The following DLGAP2 variants were observed in gnomAD, a reference collection of about 807,000 sequenced individuals.
The protein encoded by DLGAP2 is DLG associated protein 2.
DLGAP2 carries 26 observed loss-of-function variants against 100.3 expected under a neutral mutation model. The observed-to-expected ratio is 0.26, with a 90% CI of 0.19 to 0.36. The LOEUF (loss-of-function observed/expected upper bound fraction) is 0.36. DLGAP2 is among the 10% of genes least tolerant of loss of function. The probability of loss-of-function intolerance (pLI) is 1.00; values close to 1 mark genes in which losing one functional copy is unlikely to be tolerated. For synonymous variants in DLGAP2, 886 were observed against 630.1 expected, an observed-to-expected ratio of 1.41 and a Z score of -6.08; for missense variants, 1,858 against 1,453.2, an observed-to-expected ratio of 1.28 and a Z score of -4.53.
At chr8:786,928 A>G (rs760266090) in intron 1 of DLGAP2, among the ~76,000 whole-genome samples, 1 of 151,990 alleles carries the variant, frequency 6.6e-6, no homozygotes, top group African/African-American at 2.4e-5. Context: ...GCCTCAAAAC[A>G]CTTCTGTCCT....
At chr8:1,210,137 G>C (rs1798072977) in intron 2 of DLGAP2, among the ~76,000 whole-genome samples, 1 of 152,156 alleles carries the variant, frequency 6.6e-6, no homozygotes, top group Non-Finnish European at 1.5e-5. Flanking sequence ...GTGGTGGCCA[G>C]ATTTACACGT....
chr8:928,636 G>A (rs1798872242), intron 2 of DLGAP2, among the ~76,000 whole-genome samples: 1 of 152,086 alleles, frequency 6.6e-6, no homozygotes, highest in Non-Finnish European at 1.5e-5. Context: ...TAAAGCACAG[G>A]GGAAGAACTT....
intron 8 of DLGAP2, among the ~76,000 whole-genome samples, chr8:1,665,783 C>G (rs867592380): frequency 2.0e-5 from 3 of 152,252 alleles, no homozygotes; most frequent in Non-Finnish European, 2.9e-5. Context: ...GAAGACGTGT[C>G]ATTGATGATA....
intron 2 of DLGAP2, among the ~76,000 whole-genome samples, chr8:1,164,630 G>T (rs1391927869): frequency 6.6e-6 from 1 of 151,988 alleles, no homozygotes. Flanking sequence ...GCCATGCTCA[G>T]AACCGCCAGG....
intron 3 of DLGAP2, among the ~76,000 whole-genome samples, chr8:1,338,476 G>A (rs896068065): frequency 3.3e-5 from 5 of 152,178 alleles, no homozygotes; most frequent in Non-Finnish European, 5.9e-5. Flanking sequence ...GCCTGGGTCT[G>A]GGGGCAGGAA....
At chr8:1,631,915 C>T (rs1196408442) in intron 7 of DLGAP2, among the ~76,000 whole-genome samples, 4 of 152,196 alleles carry the variant, frequency 2.6e-5, no homozygotes, top group African/African-American at 9.7e-5. Flanking sequence ...ACTCTGCTGA[C>T]AACTAAAGGA....
chr8:794,080 G>T (rs149546007), intron 1 of DLGAP2, among the ~76,000 whole-genome samples: 3 of 152,046 alleles, frequency 2.0e-5, no homozygotes, highest in Admixed American at 6.6e-5. Context: ...CGGCCTGTGC[G>T]TAGGGAGTGT....
intron 1 of DLGAP2, among the ~76,000 whole-genome samples, chr8:756,848 G>T (rs1820934229): frequency 6.6e-6 from 1 of 152,166 alleles, no homozygotes; most frequent in Admixed American, 6.5e-5. Flanking sequence ...CAGCTGCCGG[G>T]ATAATCTTTC....
chr8:751,102 C>T (rs570386688), intron 1 of DLGAP2, among the ~76,000 whole-genome samples: 124 of 116,642 alleles, frequency 1.1e-3, no homozygotes, highest in Admixed American at 2.2e-3. Flanking sequence ...CCTGGATCTC[C>T]GGCCACCCTC....
chr8:1,304,301 G>C (rs1023759315), intron 3 of DLGAP2, among the ~76,000 whole-genome samples: 1 of 152,210 alleles, frequency 6.6e-6, no homozygotes, highest in Admixed American at 6.5e-5. Context: ...CAGGGTGGCA[G>C]GTGCAGCTGG....
chr8:1,319,707 G>T (rs73670752), intron 3 of DLGAP2, among the ~76,000 whole-genome samples: 1,934 of 152,312 alleles, frequency 0.013, 48 homozygotes, highest in African/African-American at 0.044. Flanking sequence ...CGTTGGAAAA[G>T]ATGTCAGAAC....
rs1300228905 is a variant in DLGAP2 at position 1,702,549 on chromosome 8, T to C, written c.*1143T>C. 1 of 152,590 alleles carries C rather than the reference T, an allele frequency of 6.6e-6. No homozygotes were observed. Among genetic ancestry groups the C allele is most frequent in the Non-Finnish European group, 1.5e-5 (1 of 68,026 alleles). 9.5% of individuals were successfully genotyped at this position (152,590 alleles called of 1,614,324 possible). A position where few individuals can be genotyped will look rare whatever the true frequency, so the allele number is the denominator to read the frequency against. On this transcript the variant is annotated 3_prime_UTR_variant, in exon 15 of 15. Coordinates refer to ENST00000637795, the MANE Select transcript of DLGAP2 (RefSeq NM_001346810.2). ...TATGCAGTATTGCTAAAGTCGAGAA[T>C]ATATTCCTTGCCTGTGTTAGACATG...
At chr8:926,136 C>A (rs1468857611) in intron 2 of DLGAP2, among the ~76,000 whole-genome samples, 1 of 152,176 alleles carries the variant, frequency 6.6e-6, no homozygotes, top group Non-Finnish European at 1.5e-5. Context: ...TGGCCGGTTC[C>A]TGGGGACAGT....
rs557965673 is a variant in DLGAP2, at chr8:1,200,573, C to A, written c.74-58278C>A. On this transcript the variant is annotated intron_variant, in intron 2 of 14. Coordinates refer to ENST00000637795, the MANE Select transcript of DLGAP2 (RefSeq NM_001346810.2). ...TCCTCGGACCTCCGGAAAGAGCCTCCCGCCTGCACGTCCCACTGCCACGTC... is the reference window on the plus strand; with the variant it reads ...TCCTCGGACCTCCGGAAAGAGCCTCACGCCTGCACGTCCCACTGCCACGTC... Among the ~76,000 whole-genome samples the A allele has an allele frequency of 1.4e-3, 208 of 152,308 alleles. 2 individuals are homozygous for A. Among genetic ancestry groups the A allele is most frequent in the Middle Eastern group, 6.8e-3 (2 of 294 alleles).
intron 6 of DLGAP2, among the ~76,000 whole-genome samples, chr8:1,576,876 A>G (rs187501701): frequency 1.3e-5 from 2 of 152,316 alleles, no homozygotes; most frequent in East Asian, 3.9e-4. Flanking sequence ...TGCCATCCCC[A>G]TCAAGCTACC....
chr8:963,315 G>GT (rs1395826979), intron 2 of DLGAP2, among the ~76,000 whole-genome samples: 2 of 152,180 alleles, frequency 1.3e-5, no homozygotes, highest in Admixed American at 1.3e-4. Context: ...GCTCTCAGAT[G>GT]TGAGGGAGAA....
intron 3 of DLGAP2, among the ~76,000 whole-genome samples, chr8:1,326,516 C>T (rs1801024966): frequency 6.6e-6 from 1 of 151,148 alleles, no homozygotes; most frequent in Non-Finnish European, 1.5e-5. Context: ...ACACGGCGTG[C>T]ACTCGGTCTC....
At chr8:1,265,709 A>T (rs182432191) in intron 3 of DLGAP2, among the ~76,000 whole-genome samples, 1 of 152,214 alleles carries the variant, frequency 6.6e-6, no homozygotes, top group Admixed American at 6.5e-5. Flanking sequence ...GAGAATACAG[A>T]CAAGTGTACT....
At chr8:1,424,790 C>G (rs1024816738) in intron 3 of DLGAP2, among the ~76,000 whole-genome samples, 6 of 152,122 alleles carry the variant, frequency 3.9e-5, no homozygotes, top group Non-Finnish European at 8.8e-5. Context: ...CCGAATAGGA[C>G]AAGGACAGTA....
Sources: gnomAD v4.1 joint callset for allele counts (sites outside exome capture counted in the v4.1 genomes callset) on GRCh38, gnomAD v4.1.1 for gene constraint, MANE v1.5 for transcripts, NCBI Gene and HGNC (gene_info 2026-07-23, HGNC 2026-07-21) for gene names.